SOS2: variants seen among roughly 807,000 people sequenced by gnomAD.
SOS2 encodes SOS Ras/Rho guanine nucleotide exchange factor 2.
SOS2 carries 65 observed loss-of-function variants against 148.2 expected under a neutral mutation model. That is an observed-to-expected ratio of 0.44 (90% confidence interval 0.36 to 0.54). SOS2 has a LOEUF of 0.54. Ranked by LOEUF, SOS2 falls within the 20% of genes least tolerant of loss-of-function variation. SOS2 has a pLI of 0.00. For missense variants in SOS2, 1,341 were observed against 1,590.2 expected (o/e 0.84, Z 2.67); for synonymous variants, 539 against 537.1 (o/e 1.00, Z -0.05).
chr14:50,206,822 A>C (rs1030740513), intron 1 of SOS2, among the ~76,000 whole-genome samples: 2 of 152,066 alleles, frequency 1.3e-5, no homozygotes, highest in Non-Finnish European at 2.9e-5. Flanking sequence ...TTAGTTATTT[A>C]ATTTTTTTGA....
At chr14:50,137,598 T>C (rs1035502188) in intron 18 of SOS2, among the ~76,000 whole-genome samples, 2 of 152,182 alleles carry the variant, frequency 1.3e-5, no homozygotes, top group Admixed American at 6.5e-5. Flanking sequence ...ATTATTTTCA[T>C]AGCAAGACAA....
intron 4 of SOS2, among the ~76,000 whole-genome samples, chr14:50,192,615 G>A (rs1258862892): frequency 6.6e-6 from 1 of 151,180 alleles, no homozygotes. Context: ...TGTAATCCTA[G>A]CACTTTGGGA....
chr14:50,208,986 G>C (rs1028821182), intron 1 of SOS2, among the ~76,000 whole-genome samples: 2 of 152,126 alleles, frequency 1.3e-5, no homozygotes, highest in Non-Finnish European at 2.9e-5. Context: ...GAGAAAAGCA[G>C]ACTACCCTCC....
At chr14:50,179,594 G>T (rs1885664845) in intron 7 of SOS2, among the ~76,000 whole-genome samples, 1 of 151,558 alleles carries the variant, frequency 6.6e-6, no homozygotes, top group Non-Finnish European at 1.5e-5. Flanking sequence ...CAAACACCTG[G>T]GTCCAAGCAA....
At position 50,148,140 on chromosome 14, in the gene SOS2, A is replaced by C. The variant is rs565067604; in HGVS notation, c.2384+1868T>G. ...AAATTTAGTTTACAAAGCTGGGTGC[A>C]GTGGCTCATGCCTGTAATCCCAGCA... On this transcript the variant is annotated intron_variant, in intron 14 of 22. Transcript: ENST00000216373. Among the ~76,000 whole-genome samples, 9 of 152,292 alleles carry C rather than the reference A, an allele frequency of 5.9e-5. 1 individual carries two copies. The highest frequency in any genetic ancestry group is 2.2e-4 in the African/African-American group (9 of 41,560).
rs760071673 is a variant in SOS2 at position 50,140,076 on chromosome 14, A to G, written c.2668-17T>C. On this transcript the variant is annotated splice_polypyrimidine_tract_variant and intron_variant, in intron 16 of 22. Coordinates refer to ENST00000216373, the MANE Select transcript of SOS2 (RefSeq NM_006939.4). ...CTGCAGTGCCTTAAAGTATACATAA[A>G]TTGAGTATAAATTTTTTACAATTCA... The G allele has an allele frequency of 2.6e-6, 3 of 1,139,790 alleles. No homozygotes were observed. In the South Asian group the frequency reaches 4.2e-5, roughly 16 times the overall value. 70.6% of individuals were successfully genotyped at this position (1,139,790 alleles called of 1,614,324 possible). A position where few individuals can be genotyped will look rare whatever the true frequency, so the allele number is the denominator to read the frequency against.
chr14:50,144,692 C>T (rs1220696245), intron 16 of SOS2, among the ~76,000 whole-genome samples: 1 of 152,152 alleles, frequency 6.6e-6, no homozygotes, highest in Non-Finnish European at 1.5e-5. Flanking sequence ...CCCGCCTCAG[C>T]CTCCTAAAGT....
At chr14:50,197,188 C>A (rs1190766115) in intron 4 of SOS2, among the ~76,000 whole-genome samples, 3 of 151,976 alleles carry the variant, frequency 2.0e-5, no homozygotes, top group East Asian at 3.9e-4. Flanking sequence ...AGATTATGAC[C>A]CATTGAATAA....
At chr14:50,215,155 C>G (rs1159302806) in intron 1 of SOS2, among the ~76,000 whole-genome samples, 1 of 151,942 alleles carries the variant, frequency 6.6e-6, no homozygotes, top group Non-Finnish European at 1.5e-5. Flanking sequence ...CTTATAACAT[C>G]TTTCCATAAA....
chr14:50,141,280 G>C (rs1884275181), intron 16 of SOS2, among the ~76,000 whole-genome samples: 1 of 147,992 alleles, frequency 6.8e-6, no homozygotes, highest in Non-Finnish European at 1.5e-5. Context: ...AGCACTTTGA[G>C]ATGTTGGGGT....
chr14:50,143,850 G>C (rs1246488265), intron 16 of SOS2, among the ~76,000 whole-genome samples: 4 of 138,168 alleles, frequency 2.9e-5, no homozygotes, highest in African/African-American at 1.1e-4. Context: ...GTAGAGATGT[G>C]GTCTCCCTAT....
chr14:50,210,397 G>T (rs750856525), intron 1 of SOS2, among the ~76,000 whole-genome samples: 2 of 152,096 alleles, frequency 1.3e-5, no homozygotes, highest in African/African-American at 4.8e-5. Context: ...AATCCTAGCT[G>T]CATGTTAGGC....
At chr14:50,135,012 G>A (rs1884025354) in intron 18 of SOS2, among the ~76,000 whole-genome samples, 1 of 147,842 alleles carries the variant, frequency 6.8e-6, no homozygotes, top group South Asian at 2.1e-4. Context: ...GGCGGAGGTT[G>A]AGGTGAACCG....
chr14:50,159,869 T>A lies in SOS2; in HGVS notation c.1414A>T (p.Asn472Tyr), dbSNP rs1169005044. 1 of 1,614,090 alleles carries A rather than the reference T, an allele frequency of 6.2e-7. No individual in the cohort carries two copies. Among genetic ancestry groups the A allele is most frequent in the East Asian group, 2.2e-5 (1 of 44,880 alleles). Residue 472 changes from asparagine to tyrosine, a missense_variant, in exon 10 of 23, where the codon AAT becomes TAT. Physicochemically the swap from Asn to Tyr is moderately radical, Grantham distance 143 (BLOSUM62 -2). Around this residue, in one of 4 missense-constraint regions of SOS2, gnomAD observed 574 missense variants for 711.1 expected, o/e 0.81. Transcript: ENST00000216373. ...CCTGGAAGCCGAGTCTGGCCATGAT[T>A]AGGTTTACAACTGATCATTAAGCCA... ...FDGLMISCKP[N>Y]HGQTRLPGYS...
chr14:50,222,619 G>A lies in SOS2; in HGVS notation c.87+8578C>T, dbSNP rs560620729. 5.9e-5 allele frequency among the ~76,000 whole-genome samples: 9 copies of A among 152,130 alleles called. No individual in the cohort carries two copies. The South Asian group carries it at 1.9e-3, about 32-fold the overall frequency. ...CAGCCACGTGATTATCTGAGGGAAG[G>A]GTGTTTCAGGTAGAAAATTCAGCAA... On this transcript the variant is annotated intron_variant, in intron 1 of 22. Coordinates refer to ENST00000216373, the MANE Select transcript of SOS2 (RefSeq NM_006939.4).
chr14:50,142,527 G>C (rs1402254917), intron 16 of SOS2, among the ~76,000 whole-genome samples: 1 of 152,110 alleles, frequency 6.6e-6, no homozygotes, highest in Non-Finnish European at 1.5e-5. Context: ...CCACTTAGAG[G>C]TTTGGGGTTT....
chr14:50,189,150 T>C (rs538001084), intron 4 of SOS2, among the ~76,000 whole-genome samples: 1 of 150,252 alleles, frequency 6.7e-6, no homozygotes, highest in East Asian at 1.9e-4. Flanking sequence ...TAAGTAAATT[T>C]ATATGATAAA....
chr14:50,174,043 T>C (rs917469967), intron 8 of SOS2, among the ~76,000 whole-genome samples: 1 of 152,172 alleles, frequency 6.6e-6, no homozygotes, highest in African/African-American at 2.4e-5. Flanking sequence ...GATCAGGTCA[T>C]TGACTATAAT....
intron 5 of SOS2, among the ~76,000 whole-genome samples, chr14:50,188,007 C>T (rs184493928): frequency 1.4e-4 from 21 of 152,200 alleles, no homozygotes; most frequent in Admixed American, 3.9e-4. Context: ...AATTTTGTGC[C>T]TAATTTTCAT....
Sources: allele counts gnomAD v4.1 joint callset (sites outside exome capture counted in the v4.1 genomes callset), GRCh38; gene constraint gnomAD v4.1.1; regional missense constraint gnomAD v4.1.1; transcripts MANE v1.5; gene names NCBI Gene and HGNC (gene_info 2026-07-23, HGNC 2026-07-21).